Variants in PRAMEF20 observed in about 807,000 individuals in gnomAD.
The protein encoded by PRAMEF20 is PRAME family member 20, also known as PRAME family member 20/21.
Under a neutral mutation model 32.4 loss-of-function variants are expected in PRAMEF20, and 27 were observed. That is an observed-to-expected ratio of 0.83 (90% CI 0.61 to 1.15). The LOEUF is 1.15. Ranked by LOEUF, PRAMEF20 falls within the 50% of genes most tolerant of loss-of-function variation. The pLI, the probability that PRAMEF20 is intolerant of heterozygous loss-of-function variation, is 0.00. For synonymous variants in PRAMEF20, 256 were observed against 235.4 expected (o/e 1.09, Z -0.80); for missense variants, 604 against 584.5 (o/e 1.03, Z -0.34).
rs755098669 is a variant in PRAMEF20 at position 13,416,607 on chromosome 1, C to CT, written c.255dup (p.Asp86Ter). 1.2e-6 allele frequency: 2 copies of CT among 1,614,108 alleles called. No homozygotes were observed. Among genetic ancestry groups the CT allele is most frequent in the East Asian group, 4.5e-5 (2 of 44,878 alleles). On this transcript the variant is annotated frameshift_variant, in exon 1 of 3. Coordinates refer to ENST00000602960, the Ensembl canonical transcript of PRAMEF20. LOFTEE classifies it high-confidence loss of function. ...GACCTTCCAAGCTGTGCTCGATGGG[C>CT]TTGATGCACTGCTTACCCACAGGGT...
At chr1:13,420,848 C>T (rs1641235052) in exon 3 of PRAMEF20, 1 of 1,613,942 alleles carries the variant, frequency 6.2e-7, no homozygotes, top group Non-Finnish European at 8.5e-7. Flanking sequence ...CCTTGTGCCG[C>T]TCCAAGTTCT....
intron 2 of PRAMEF20, among the ~76,000 whole-genome samples, chr1:13,420,001 C>T (rs1641225842): frequency 2.0e-5 from 3 of 152,226 alleles, no homozygotes; most frequent in South Asian, 4.1e-4. Context: ...ATGATACAGG[C>T]GTGTCAGGGA....
rs907766707 is a variant in PRAMEF20, at chr1:13,418,294, T to C, written c.460T>C (p.Cys154Arg). The C allele has an allele frequency of 9.0e-5, 146 of 1,613,896 alleles. 1 individual carries two copies. Among genetic ancestry groups the C allele is most frequent in the Middle Eastern group, 1.7e-4 (1 of 6,056 alleles). Residue 154 changes from cysteine (C) to arginine (R), a missense_variant, in exon 2 of 3, where the codon TGC (cysteine) becomes CGC (arginine). Transcript: ENST00000602960. ...GCCCTTGACTGTGTTCATAGACCTT[T>C]GCCTCAAGAACAGGACTCTGGATGA... is the stretch of plus-strand genomic sequence containing the variant.
chr1:13,415,503 C>T (rs1255551217), upstream of PRAMEF20, among the ~76,000 whole-genome samples: 2 of 151,732 alleles, frequency 1.3e-5, no homozygotes, highest in African/African-American at 2.4e-5. Flanking sequence ...ATAATGAGGC[C>T]GGAGCAGAGG....
chr1:13,413,670 G>A (rs1371374866), upstream of PRAMEF20, among the ~76,000 whole-genome samples: 1 of 152,050 alleles, frequency 6.6e-6, no homozygotes, highest in Non-Finnish European at 1.5e-5. Context: ...TAGCCAAGGT[G>A]TTTTCTGATT....
At chr1:13,420,087 G>C (rs1023022570) in intron 2 of PRAMEF20, among the ~76,000 whole-genome samples, 1 of 152,156 alleles carries the variant, frequency 6.6e-6, no homozygotes. Context: ...CATCCCCAAT[G>C]GTCTCATGTG....
At chr1:13,416,617 T>C (rs369730813) in exon 1 of PRAMEF20, 10 of 1,614,028 alleles carry the variant, frequency 6.2e-6, no homozygotes, top group Non-Finnish European at 6.8e-6. Flanking sequence ...CTTGATGCAC[T>C]GCTTACCCAC....
chr1:13,420,181 T>C (rs947252151), intron 2 of PRAMEF20, among the ~76,000 whole-genome samples: 185 of 151,866 alleles, frequency 1.2e-3, no homozygotes, highest in Non-Finnish European at 2.0e-3. Context: ...CTATAAATGA[T>C]AGGGAAAAGA....
chr1:13,418,190 C>G (rs1387594532), exon 2 of PRAMEF20: 29 of 1,613,660 alleles, frequency 1.8e-5, no homozygotes, highest in African/African-American at 8.0e-5. Flanking sequence ...TGGTCTGAAG[C>G]CATGGCCCGT....
chr1:13,416,486 C>G (rs766986238), exon 1 of PRAMEF20: 1 of 1,614,132 alleles, frequency 6.2e-7, no homozygotes. Context: ...TGGAGGCCTT[C>G]AGCAGGAGAC....
At chr1:13,421,244 C>G (rs980849283) in exon 3 of PRAMEF20, 2 of 1,613,824 alleles carry the variant, frequency 1.2e-6, no homozygotes, top group Non-Finnish European at 1.7e-6. Flanking sequence ...GGAGGTAGAT[C>G]GGTGTTGCTG....
upstream of PRAMEF20, among the ~76,000 whole-genome samples, chr1:13,412,598 A>T (rs2100427927): frequency 2.0e-5 from 3 of 152,300 alleles, no homozygotes; most frequent in South Asian, 6.2e-4. Context: ...AATTTCATTT[A>T]AAACACTCAG....
upstream of PRAMEF20, among the ~76,000 whole-genome samples, chr1:13,415,067 G>A (rs1557475740): frequency 6.6e-6 from 1 of 151,702 alleles, no homozygotes; most frequent in Non-Finnish European, 1.5e-5. Flanking sequence ...GTTCCCTTAT[G>A]CTCTATCCAA....
At position 13,417,899 on chromosome 1, in the gene PRAMEF20, G is replaced by A. The variant is rs1197220259; in HGVS notation, c.288-223G>A. Among the ~76,000 whole-genome samples the A allele has an allele frequency of 5.4e-5, 5 of 93,084 alleles. No homozygotes were observed. The South Asian group carries it at 1.0e-3, about 19-fold the overall frequency. 61.1% of individuals were successfully genotyped at this position (93,084 alleles called of 152,430 possible). ...TGGGACTACAGGCGCCCGCCACCAC[G>A]CCCGGCTAATTTGTGTGTGTGTGTG... On this transcript the variant is annotated intron_variant, in intron 1 of 2. Transcript: ENST00000602960.
At chr1:13,420,052 TG>T (rs1641226268) in intron 2 of PRAMEF20, among the ~76,000 whole-genome samples, 1 of 152,182 alleles carries the variant, frequency 6.6e-6, no homozygotes, top group Non-Finnish European at 1.5e-5. Flanking sequence ...TGCAGGATCC[TG>T]CCTGGGTTTG....
At chr1:13,416,832 A>G (rs1056147026) in intron 1 of PRAMEF20, among the ~76,000 whole-genome samples, 191 bp downstream of exon 2, 19 of 152,344 alleles carry the variant, frequency 1.2e-4, no homozygotes, top group Admixed American at 5.9e-4. Flanking sequence ...GGGTCCACCG[A>G]GGTAACAGGA....
upstream of PRAMEF20, among the ~76,000 whole-genome samples, chr1:13,414,132 C>T (rs1163713403): frequency 6.6e-6 from 1 of 151,796 alleles, no homozygotes; most frequent in Non-Finnish European, 1.5e-5. Context: ...ACCTCCGACT[C>T]TCTGGTTCAG....
the PRAMEF20 span, among the ~76,000 whole-genome samples, chr1:13,410,786 A>T: frequency 6.6e-6 from 1 of 152,020 alleles, no homozygotes; most frequent in African/African-American, 2.4e-5. Flanking sequence ...TCGGAGGTCA[A>T]TGTGGGAGGA....
upstream of PRAMEF20, chr1:13,416,303 T>G: frequency 6.2e-7 from 1 of 1,611,966 alleles, no homozygotes; most frequent in Non-Finnish European, 8.5e-7. Flanking sequence ...CTGAGAGTGA[T>G]GCCTTTTCTC....
Sources: allele counts gnomAD v4.1 joint callset (sites outside exome capture counted in the v4.1 genomes callset), GRCh38; gene constraint gnomAD v4.1.1; transcripts MANE v1.5; gene names NCBI Gene and HGNC (gene_info 2026-07-23, HGNC 2026-07-21).